The following LUZP2 variants were observed in gnomAD, a reference collection of about 807,000 sequenced individuals.
LUZP2 encodes leucine zipper protein 2.
LUZP2 carries 52 observed loss-of-function variants against 51.6 expected under a neutral mutation model. The ratio of observed to expected loss-of-function variants is 1.01; its 90% confidence interval spans 0.81 to 1.27. LUZP2 has a LOEUF of 1.27. LUZP2 is among the 50% of genes most tolerant of loss of function. The probability of loss-of-function intolerance (pLI) is 0.00; values close to 1 mark genes in which losing one functional copy is unlikely to be tolerated. For synonymous variants in LUZP2, 154 were observed against 137.3 expected (o/e 1.12, Z -0.85); for missense variants, 436 against 395.4 (o/e 1.10, Z -0.87).
At chr11:24,779,136 A>G (rs1317609117) in intron 5 of LUZP2, among the ~76,000 whole-genome samples, 1 of 152,184 alleles carries the variant, frequency 6.6e-6, no homozygotes, top group East Asian at 1.9e-4. Flanking sequence ...TCATCATTGC[A>G]CCTATATTTA....
Position 25,077,395 on chromosome 11 carries a change from C to G in LUZP2, c.925C>G (p.Pro309Ala). Residue 309 changes from proline (P) to alanine (A), a missense_variant, in exon 11 of 12, where the codon CCT becomes GCT. Transcript: ENST00000336930. ...AAGTAATGCCACTGCAGAAACCGAG[C>G]CTATCCCACAGGTATGTGTTTGTTT... ...PPSNATAETE[P>A]IPQKLQMPPC... 6.2e-7 allele frequency: 1 copy of G among 1,606,134 alleles called. No individual in the cohort carries two copies. The highest frequency in any genetic ancestry group is 8.5e-7 in the Non-Finnish European group (1 of 1,173,410).
chr11:24,648,841 G>A (rs1426548514), intron 1 of LUZP2, among the ~76,000 whole-genome samples: 2 of 151,958 alleles, frequency 1.3e-5, no homozygotes, highest in Non-Finnish European at 2.9e-5. Flanking sequence ...AAAAGTAATT[G>A]CAGTTTTTGC....
intron 9 of LUZP2, among the ~76,000 whole-genome samples, chr11:25,027,780 G>A (rs1241148626): frequency 6.6e-6 from 1 of 150,886 alleles, no homozygotes; most frequent in African/African-American, 2.4e-5. Context: ...CTGAGGCAGA[G>A]AATTGCTTGA....
At chr11:24,785,430 A>G (rs1356414726) in intron 5 of LUZP2, among the ~76,000 whole-genome samples, 1 of 152,062 alleles carries the variant, frequency 6.6e-6, no homozygotes, top group Non-Finnish European at 1.5e-5. Flanking sequence ...TGAATTATTA[A>G]ATAAAGCATG....
At chr11:24,793,827 GT>G (rs1849473118) in intron 5 of LUZP2, among the ~76,000 whole-genome samples, 1 of 152,062 alleles carries the variant, frequency 6.6e-6, no homozygotes, top group African/African-American at 2.4e-5. Context: ...ACATGGTTTT[GT>G]TAGCTGTCTT....
chr11:24,906,080 T>C (rs1847190290), intron 6 of LUZP2, 27 bp downstream of exon 6: 1 of 1,562,262 alleles, frequency 6.4e-7, no homozygotes, highest in African/African-American at 1.4e-5. Context: ...TTCTTCTAGC[T>C]TTAACCAGAT....
chr11:24,555,695 G>C (rs78258092), intron 1 of LUZP2, among the ~76,000 whole-genome samples: 2 of 152,136 alleles, frequency 1.3e-5, no homozygotes, highest in East Asian at 1.9e-4. Flanking sequence ...GTTATCCAAG[G>C]CTGGCCATGG....
chr11:24,576,617 C>A (rs181351959), intron 1 of LUZP2, among the ~76,000 whole-genome samples: 1 of 151,730 alleles, frequency 6.6e-6, no homozygotes, highest in East Asian at 1.9e-4. Context: ...CAGACAGTGC[C>A]GAATTGCCAA....
At chr11:24,782,154 AAG>A (rs1849114089) in intron 5 of LUZP2, among the ~76,000 whole-genome samples, 1 of 152,078 alleles carries the variant, frequency 6.6e-6, no homozygotes, top group African/African-American at 2.4e-5. Context: ...ATTTAGGTGA[AAG>A]AGATTTTATT....
chr11:24,758,827 G>A (rs193262693), intron 4 of LUZP2, among the ~76,000 whole-genome samples: 1 of 151,792 alleles, frequency 6.6e-6, no homozygotes, highest in Non-Finnish European at 1.5e-5. Flanking sequence ...CTCACATTTG[G>A]TAAGTCTATA....
At chr11:24,981,813 G>C (rs1186971252) in intron 8 of LUZP2, among the ~76,000 whole-genome samples, 1 of 151,888 alleles carries the variant, frequency 6.6e-6, no homozygotes, top group Non-Finnish European at 1.5e-5. Context: ...CATCAACAGA[G>C]TAAACAGACA....
intron 1 of LUZP2, among the ~76,000 whole-genome samples, chr11:24,699,870 T>C (rs1857371097): frequency 6.6e-6 from 1 of 150,972 alleles, no homozygotes; most frequent in African/African-American, 2.4e-5. Flanking sequence ...ATGAAGAGTT[T>C]TGAACACAAA....
At chr11:24,914,409 G>T in intron 6 of LUZP2, 67 bp from the exon 7 acceptor site, 1 of 1,167,804 alleles carries the variant, frequency 8.6e-7, no homozygotes, top group Middle Eastern at 1.9e-4. Context: ...AAGTCTGAAA[G>T]TATTTTAATC....
At chr11:25,014,338 A>T (rs1565228871) in intron 9 of LUZP2, among the ~76,000 whole-genome samples, 1 of 152,208 alleles carries the variant, frequency 6.6e-6, no homozygotes, top group African/African-American at 2.4e-5. Context: ...GTCTTCCACA[A>T]TGGCTGAACT....
chr11:24,785,287 G>A (rs750173554), intron 5 of LUZP2, among the ~76,000 whole-genome samples: 10 of 151,952 alleles, frequency 6.6e-5, no homozygotes, highest in Non-Finnish European at 1.3e-4. Context: ...TACACTCTAA[G>A]TTCTTCAGAG....
chr11:24,576,412 CAAAAAAAAAA>C (rs10549188), intron 1 of LUZP2, among the ~76,000 whole-genome samples: 2 of 75,162 alleles, frequency 2.7e-5, no homozygotes, highest in African/African-American at 1.0e-4. Flanking sequence ...GACTCCATCT[CAAAAAAAAAA>C]AAAAAAAAAA....
At chr11:24,748,526 C>T (rs148753887) in intron 4 of LUZP2, among the ~76,000 whole-genome samples, 3,676 of 151,404 alleles carry the variant, frequency 0.024, 159 homozygotes, top group African/African-American at 0.084. Flanking sequence ...GTGGCACGAT[C>T]TCAGCTCCCT....
chr11:24,749,061 G>A (rs1196938779), intron 4 of LUZP2, among the ~76,000 whole-genome samples: 1 of 152,114 alleles, frequency 6.6e-6, no homozygotes, highest in African/African-American at 2.4e-5. Flanking sequence ...CTCCTTTCTT[G>A]ACGTTAACAA....
intron 1 of LUZP2, among the ~76,000 whole-genome samples, chr11:24,533,699 T>C (rs1054704107): frequency 2.0e-5 from 3 of 151,316 alleles, no homozygotes; most frequent in Non-Finnish European, 4.4e-5. Flanking sequence ...TAATACTTAG[T>C]AAAACAGTAA....
Sources: allele counts gnomAD v4.1 joint callset (sites outside exome capture counted in the v4.1 genomes callset), GRCh38; gene constraint gnomAD v4.1.1; transcripts MANE v1.5; gene names NCBI Gene and HGNC (gene_info 2026-07-23, HGNC 2026-07-21).